Variants in FTCDNL1 observed in about 807,000 individuals in gnomAD.
The protein encoded by FTCDNL1 is formiminotransferase N-terminal subdomain-containing protein.
FTCDNL1 carries 11 observed loss-of-function variants against 5.9 expected under a neutral mutation model. The ratio of observed to expected loss-of-function variants is 1.87; its 90% CI spans 1.18 to 3.10. The LOEUF is 3.10. Among genes scored for constraint, FTCDNL1 ranks in the 30% most tolerant of loss-of-function variants. The pLI is 0.00. For missense variants in FTCDNL1, 115 were observed against 65.5 expected (o/e 1.76, Z -2.61); for synonymous variants, 58 against 24.8 (o/e 2.34, Z -3.99).
chr2:199,827,229 T>C (rs1272442135), intron 3 of FTCDNL1, among the ~76,000 whole-genome samples: 1 of 152,156 alleles, frequency 6.6e-6, no homozygotes, highest in Non-Finnish European at 1.5e-5. Flanking sequence ...ACAAATTAAA[T>C]GACACCATAA....
intron 3 of FTCDNL1, among the ~76,000 whole-genome samples, chr2:199,822,831 T>C (rs1234821408): frequency 6.6e-6 from 1 of 152,122 alleles, no homozygotes; most frequent in Admixed American, 6.6e-5. Context: ...AAGTAACTCC[T>C]CATCCGTTCT....
intron 3 of FTCDNL1, among the ~76,000 whole-genome samples, chr2:199,786,251 G>GTATATATA (rs139819752): frequency 4.8e-5 from 7 of 146,536 alleles, no homozygotes; most frequent in African/African-American, 1.3e-4. Context: ...CTCCAGCCCT[G>GTATATATA]TATATATATA....
At chr2:199,845,940 T>C in intron 3 of FTCDNL1, 135 bp downstream of exon 3, 3 of 438,988 alleles carry the variant, frequency 6.8e-6, no homozygotes, top group Non-Finnish European at 1.2e-5. Context: ...TGATTAAGTG[T>C]AGCTTTGTGG....
At chr2:199,680,255 T>C in the FTCDNL1 span, among the ~76,000 whole-genome samples, 1 of 152,320 alleles carries the variant, frequency 6.6e-6, no homozygotes, top group East Asian at 1.9e-4. Context: ...ACCATTGTAA[T>C]GTGATAGTTT....
rs1433876128 is a variant in FTCDNL1, at chr2:199,811,245, C to T, written c.*1460G>A. 6.6e-6 allele frequency among the ~76,000 whole-genome samples: 1 copy of T among 152,210 alleles called. No individual in the cohort carries two copies. The highest frequency in any genetic ancestry group is 1.5e-5 in the Non-Finnish European group (1 of 68,048). ...AAGAATTATATCAGTTTTAACATTG[C>T]ACAGAGTATAATTGGAATTTTTGTC... On this transcript the variant is annotated 3_prime_UTR_variant, in exon 5 of 5. Transcript: ENST00000420128.
chr2:199,819,350 A>G (rs1701542198), intron 4 of FTCDNL1: 2 of 552,424 alleles, frequency 3.6e-6, no homozygotes, highest in East Asian at 6.0e-5. Context: ...CTTGAATATC[A>G]CTTCTGGGGG....
At chr2:199,664,355 C>T in the FTCDNL1 span, among the ~76,000 whole-genome samples, 10 of 152,136 alleles carry the variant, frequency 6.6e-5, no homozygotes, top group African/African-American at 2.2e-4. Context: ...TTTGAATGAG[C>T]CATTTAATGT....
the FTCDNL1 span, among the ~76,000 whole-genome samples, chr2:199,713,010 A>G: frequency 6.6e-6 from 1 of 152,198 alleles, no homozygotes; most frequent in Non-Finnish European, 1.5e-5. Context: ...CAGTTTCTAT[A>G]GATTCAAAAT....
At chr2:199,814,380 C>A (rs1377338746) in intron 4 of FTCDNL1, among the ~76,000 whole-genome samples, 1 of 152,192 alleles carries the variant, frequency 6.6e-6, no homozygotes, top group Non-Finnish European at 1.5e-5. Context: ...AATTCAAGTT[C>A]CACCTCAACA....
chr2:199,746,904 G>A, the FTCDNL1 span, among the ~76,000 whole-genome samples: 1 of 151,966 alleles, frequency 6.6e-6, no homozygotes, highest in East Asian at 1.9e-4. Context: ...CCTCCCTCAC[G>A]CCTCCCACTA....
the FTCDNL1 span, among the ~76,000 whole-genome samples, chr2:199,730,185 T>C: frequency 6.6e-6 from 1 of 152,160 alleles, no homozygotes; most frequent in Non-Finnish European, 1.5e-5. Context: ...CCTTATACCT[T>C]ATACAAAAAT....
chr2:199,704,621 GGGAA>G, the FTCDNL1 span, among the ~76,000 whole-genome samples: 1 of 152,104 alleles, frequency 6.6e-6, no homozygotes, highest in Non-Finnish European at 1.5e-5. Flanking sequence ...CTGGATAAAT[GGGAA>G]GGGAGAAGCA....
downstream of FTCDNL1, among the ~76,000 whole-genome samples, chr2:199,809,079 AC>A (rs1189026878): frequency 1.3e-5 from 2 of 152,088 alleles, no homozygotes; most frequent in Non-Finnish European, 2.9e-5. Flanking sequence ...ACGTCTAAAA[AC>A]CATACCTAGT....
the FTCDNL1 span, among the ~76,000 whole-genome samples, chr2:199,724,547 GC>G: frequency 2.0e-5 from 3 of 152,066 alleles, no homozygotes; most frequent in African/African-American, 7.2e-5. Flanking sequence ...TCTTAACACT[GC>G]TTTAGCTACA....
the FTCDNL1 span, among the ~76,000 whole-genome samples, chr2:199,752,254 A>G: frequency 6.6e-6 from 1 of 152,104 alleles, no homozygotes; most frequent in African/African-American, 2.4e-5. Flanking sequence ...GCATTCCCAG[A>G]TACTACTTAG....
downstream of FTCDNL1, among the ~76,000 whole-genome samples, chr2:199,807,237 AATTTAC>A (rs1258204266): frequency 6.6e-6 from 1 of 152,214 alleles, no homozygotes; most frequent in Non-Finnish European, 1.5e-5. Flanking sequence ...CACCTTCTGC[AATTTAC>A]AGCTGGTTCA....
chr2:199,772,653 T>C (rs926575838), intron 3 of FTCDNL1, among the ~76,000 whole-genome samples: 4 of 152,206 alleles, frequency 2.6e-5, no homozygotes, highest in African/African-American at 7.2e-5. Flanking sequence ...TCCAGTCTAA[T>C]GAACACAATG....
chr2:199,681,154 T>C, the FTCDNL1 span, among the ~76,000 whole-genome samples: 12 of 152,318 alleles, frequency 7.9e-5, no homozygotes, highest in African/African-American at 2.9e-4. Context: ...AAAAGAGAGA[T>C]AGAAAAGCCA....
the FTCDNL1 span, among the ~76,000 whole-genome samples, chr2:199,752,320 CCT>C: frequency 3.9e-5 from 6 of 152,292 alleles, no homozygotes; most frequent in South Asian, 1.0e-3. Context: ...CTTTTTCTTC[CCT>C]GAGTGGACAA....
Sources: allele counts gnomAD v4.1 joint callset (sites outside exome capture counted in the v4.1 genomes callset), GRCh38; gene constraint gnomAD v4.1.1; transcripts MANE v1.5; gene names NCBI Gene and HGNC (gene_info 2026-07-23, HGNC 2026-07-21).